The following ITGB4 variants were observed in gnomAD, a reference collection of about 807,000 sequenced individuals.
ITGB4 encodes the protein integrin beta-4.
A neutral mutation model predicts 207.6 loss-of-function variants in ITGB4; 159 were observed. The observed-to-expected ratio is 0.77, with a 90% CI of 0.67 to 0.87. The LOEUF is 0.87. Among genes scored for constraint, ITGB4 ranks in the 40% least tolerant of loss-of-function variants. The pLI is 0.00. For synonymous variants in ITGB4, 1,020 were observed against 1,062.7 expected (o/e 0.96, Z 0.78); for missense variants, 2,278 against 2,546.8 (o/e 0.89, Z 2.27).
intron 32 of ITGB4, among the ~76,000 whole-genome samples, chr17:75,753,380 G>C (rs2061412406): frequency 6.6e-6 from 1 of 152,176 alleles, no homozygotes; most frequent in African/African-American, 2.4e-5. Flanking sequence ...CGGTCCCTGG[G>C]AGGCGGGCAG....
chr17:75,753,323 T>TC (rs2061411008), intron 32 of ITGB4, among the ~76,000 whole-genome samples: 1 of 152,138 alleles, frequency 6.6e-6, no homozygotes, highest in Non-Finnish European at 1.5e-5. Context: ...GAACCCCAGC[T>TC]CAGCTGCTTC....
At chr17:75,733,216 G>GTC (rs1373924202) in intron 12 of ITGB4, among the ~76,000 whole-genome samples, 3 of 151,392 alleles carry the variant, frequency 2.0e-5, no homozygotes, top group Admixed American at 1.3e-4. Context: ...GTGAAACCCC[G>GTC]TCTACTAAAA....
chr17:75,740,090 G>T lies in ITGB4; in HGVS notation c.2446+19G>T. ...GAGCTGGGTGAGGGCGGGGCTGGGCGCCACAGCTCTGGGCAGTGCCCTTCG... is the reference window on the plus strand; with the variant it reads ...GAGCTGGGTGAGGGCGGGGCTGGGCTCCACAGCTCTGGGCAGTGCCCTTCG... On this transcript the variant is annotated intron_variant, in intron 20 of 39. Coordinates refer to ENST00000200181, the MANE Select transcript of ITGB4 (RefSeq NM_000213.5). This position sits in a 1 kb window ranked among gnomAD's most constrained non-coding sequence, Gnocchi z 5.9. The T allele has an allele frequency of 1.9e-6, 3 of 1,603,984 alleles. No homozygotes were observed. Among genetic ancestry groups the T allele is most frequent in the Non-Finnish European group, 2.6e-6 (3 of 1,175,292 alleles).
chr17:75,723,714 A>G (rs1198717033), intron 1 of ITGB4, among the ~76,000 whole-genome samples: 2 of 152,204 alleles, frequency 1.3e-5, no homozygotes, highest in African/African-American at 4.8e-5. Flanking sequence ...CCACTGCCCC[A>G]GAAGCCGGGC....
At chr17:75,733,782 C>G in intron 13 of ITGB4, 90 bp downstream of exon 13, 1 of 1,384,578 alleles carries the variant, frequency 7.2e-7, no homozygotes, top group Non-Finnish European at 1.0e-6. Context: ...GTTGGGAGAG[C>G]CAGACTTGGA....
rs1381248149 is a variant in ITGB4, at chr17:75,739,935, C to G, written c.2310C>G (p.Ala770=). The G allele has an allele frequency of 2.5e-6, 4 of 1,613,240 alleles. No individual in the cohort carries two copies. The African/African-American group carries it at 5.3e-5, about 22-fold the overall frequency. The change falls in exon 20 of 40, where the codon GCC becomes GCG. Residue 770 remains alanine, a synonymous_variant. Transcript: ENST00000200181. The surrounding 1 kb of genome is among the most constrained non-coding windows in gnomAD (Gnocchi z 5.4). ...ACATGCTGCGGGAGAACCTGATGGC[C>G]TCTGACCACTTGGACACGCCCATGC... ...DHYMLRENLM[A]SDHLDTPMLR... is the part of the protein sequence containing the mutation.
chr17:75,754,033 G>C, intron 33 of ITGB4, 59 bp downstream of exon 33: 1 of 819,732 alleles, frequency 1.2e-6, no homozygotes, highest in East Asian at 3.5e-5. Context: ...TCGCGCCTGA[G>C]GGCCTGGGGT....
intron 26 of ITGB4, among the ~76,000 whole-genome samples, chr17:75,744,501 G>A (rs1479216839): frequency 6.6e-6 from 1 of 152,162 alleles, no homozygotes; most frequent in African/African-American, 2.4e-5. Context: ...GATCCACAGG[G>A]TAGCCAAACC....
intron 17 of ITGB4, 31 bp downstream of exon 17, chr17:75,737,475 G>A: frequency 6.4e-7 from 1 of 1,553,380 alleles, no homozygotes; most frequent in Non-Finnish European, 8.7e-7. Context: ...GCAGGGAGGG[G>A]GCGTGTGGCC....
At chr17:75,724,214 G>T (rs2060671987) in intron 1 of ITGB4, among the ~76,000 whole-genome samples, 3 of 152,176 alleles carry the variant, frequency 2.0e-5, no homozygotes, top group African/African-American at 7.2e-5. Flanking sequence ...TATTGGGAGG[G>T]GCCCCTCTCC....
At position 75,756,975 on chromosome 17, in the gene ITGB4, A is replaced by T. The variant is rs772669949; in HGVS notation, c.5086A>T (p.Ser1696Cys). Reference sequence around the variant, plus strand: ...CACCGCATTCCGGGTGGATGGAGACAGCCCCGAGAGCCGGCTGACCGTGCC... The same window carrying T: ...CACCGCATTCCGGGTGGATGGAGACTGCCCCGAGAGCCGGCTGACCGTGCC... ...PATAFRVDGD[S>C]PESRLTVPGL... is the part of the protein sequence containing the mutation. The change falls in exon 38 of 40, where the codon AGC becomes TGC. Residue 1696 changes from serine (S) to cysteine (C), a missense_variant. Coordinates refer to ENST00000200181, the MANE Select transcript of ITGB4 (RefSeq NM_000213.5). 6.2e-7 allele frequency: 1 copy of T among 1,612,768 alleles called. No homozygotes were observed. The highest frequency in any genetic ancestry group is 1.7e-5 in the Admixed American group (1 of 60,014).
In ITGB4 at chr17:75,754,578, C is replaced by T. The variant is rs368089324; in HGVS notation, c.4321C>T (p.His1441Tyr). Reference sequence around the variant, plus strand: ...GGGACCCTGCTCTCCCCCTGCAGAGCACCTGGTGAATGGCCGGATGGACTT... The same window carrying T: ...GGGACCCTGCTCTCCCCCTGCAGAGTACCTGGTGAATGGCCGGATGGACTT... ...RSATPGPPGE[H>Y]LVNGRMDFAF... Residue 1441 changes from histidine (H) to tyrosine (Y), a missense_variant and splice_region_variant, in exon 34 of 40, where the codon CAC becomes TAC. Transcript: ENST00000200181. 46 of 1,613,550 alleles carry T rather than the reference C, an allele frequency of 2.9e-5. No individual in the cohort carries two copies. The highest frequency in any genetic ancestry group is 3.6e-5 in the Non-Finnish European group (42 of 1,179,988).
intron 23 of ITGB4, among the ~76,000 whole-genome samples, chr17:75,741,891 A>C (rs938550608): frequency 1.3e-5 from 2 of 151,908 alleles, no homozygotes; most frequent in African/African-American, 4.8e-5. Context: ...GTGTGTGGTC[A>C]TCTTATCCAA....
chr17:75,746,929 CAAAAAAAAAAA>C (rs56351330), intron 26 of ITGB4, among the ~76,000 whole-genome samples: 1 of 70,868 alleles, frequency 1.4e-5, no homozygotes, highest in Non-Finnish European at 2.8e-5. Context: ...ACCCCTGTCT[CAAAAAAAAAAA>C]AAAAAAAAAA....
At position 75,730,768 on chromosome 17, in the gene ITGB4, C is replaced by T. The variant is rs146648387; in HGVS notation, c.1003-107C>T. ...TAAGAGGGCAGGCTCTGCGACACCA[C>T]AGTAGGTTCCAGGCCTCAGTTTCCC... On this transcript the variant is annotated intron_variant, in intron 8 of 39. Transcript: ENST00000200181. The T allele has an allele frequency of 6.4e-4, 740 of 1,158,656 alleles. 7 individuals are homozygous for T. In the African/African-American group the frequency reaches 9.4e-3, roughly 15 times the overall value. 71.8% of individuals were successfully genotyped at this position (1,158,656 alleles called of 1,614,324 possible). A position where few individuals can be genotyped will look rare whatever the true frequency, so the allele number is the denominator to read the frequency against.
Position 75,740,888 on chromosome 17 carries a change from G to T in ITGB4, c.2609+37G>T. The T allele has an allele frequency of 6.2e-7, 1 of 1,613,090 alleles. No individual in the cohort carries two copies. The highest frequency in any genetic ancestry group is 8.5e-7 in the Non-Finnish European group (1 of 1,179,580). ...GGTGCCCGGGTTGGGTGGGGGAGCC[G>T]CTCCTACCGGGACTCCAGGAGCCGA... On this transcript the variant is annotated intron_variant, in intron 22 of 39. Coordinates refer to ENST00000200181, the MANE Select transcript of ITGB4 (RefSeq NM_000213.5). The surrounding 1 kb of genome is among the most constrained non-coding windows in gnomAD (Gnocchi z 5.9).
intron 2 of ITGB4, among the ~76,000 whole-genome samples, chr17:75,725,098 T>G (rs2060691852): frequency 6.6e-6 from 1 of 152,130 alleles, no homozygotes; most frequent in South Asian, 2.1e-4. Context: ...GTTATAGGAA[T>G]TTGGAGAAGA....
rs1568376447 is a variant in ITGB4, at chr17:75,750,157, A to T, written c.3363A>T (p.Pro1121=). 2.5e-6 allele frequency: 4 copies of T among 1,613,588 alleles called. No homozygotes were observed. In the South Asian group the frequency reaches 4.4e-5, roughly 18 times the overall value. ...CGAGTCAGATGTTGTCATCACAGCC[A>T]CCCCCTCACGGCGACCTGGGCGCCC... The part of the protein sequence containing the change: ...SFTSQMLSSQ[P]PPHGDLGAPQ... The change falls in exon 28 of 40, where the codon CCA becomes CCT. Residue 1121 remains proline, a synonymous_variant. Transcript: ENST00000200181. This position sits in a 1 kb window ranked among gnomAD's most constrained non-coding sequence, Gnocchi z 5.5.
chr17:75,756,288 C>G (rs1224176972), intron 35 of ITGB4, 141 bp from the exon 36 acceptor site: 1 of 833,274 alleles, frequency 1.2e-6, no homozygotes, highest in Admixed American at 2.1e-5. Flanking sequence ...CCATACCATA[C>G]TGTACCCAAC....
Sources: allele counts gnomAD v4.1 joint callset (sites outside exome capture counted in the v4.1 genomes callset), GRCh38; gene constraint gnomAD v4.1.1; non-coding constraint Gnocchi (gnomAD v3.1); transcripts MANE v1.5; gene names NCBI Gene and HGNC (gene_info 2026-07-23, HGNC 2026-07-21).